EXOC6B: variants seen among roughly 807,000 people sequenced by gnomAD.
EXOC6B encodes the protein SEC15 homolog B.
A neutral mutation model predicts 113.5 loss-of-function variants in EXOC6B; 54 were observed. The ratio of observed to expected loss-of-function variants is 0.48; its 90% CI spans 0.38 to 0.60. The LOEUF (loss-of-function observed/expected upper bound fraction) is 0.60. Among genes scored for constraint, EXOC6B ranks in the 20% least tolerant of loss-of-function variants. EXOC6B has a pLI of 0.00. For synonymous variants in EXOC6B, 357 were observed against 339.0 expected, an observed-to-expected ratio of 1.05 and a Z score of -0.58; for missense variants, 797 against 977.5, an observed-to-expected ratio of 0.82 and a Z score of 2.46.
intron 6 of EXOC6B, among the ~76,000 whole-genome samples, chr2:72,582,917 A>T (rs1335863576): frequency 2.6e-5 from 4 of 152,350 alleles, no homozygotes; most frequent in South Asian, 4.1e-4. Flanking sequence ...AAAGAAGCTC[A>T]ATGACATCTA....
At chr2:72,540,560 C>T (rs1011997915) in intron 8 of EXOC6B, among the ~76,000 whole-genome samples, 1 of 152,130 alleles carries the variant, frequency 6.6e-6, no homozygotes, top group Non-Finnish European at 1.5e-5. Flanking sequence ...TACATAACCA[C>T]AGAATAAAAT....
At chr2:72,674,213 A>T (rs2104514063) in intron 6 of EXOC6B, among the ~76,000 whole-genome samples, 1 of 152,026 alleles carries the variant, frequency 6.6e-6, no homozygotes, top group Non-Finnish European at 1.5e-5. Flanking sequence ...ATCTCACTTC[A>T]CCTCTCCCCA....
intron 6 of EXOC6B, among the ~76,000 whole-genome samples, chr2:72,586,259 AAAC>A (rs1463549143): frequency 1.1e-4 from 16 of 152,280 alleles, no homozygotes; most frequent in African/African-American, 3.9e-4. Flanking sequence ...GGACCTAATT[AAAC>A]TAAAGAGCTA....
chr2:72,821,043 T>C (rs942252156), intron 1 of EXOC6B, among the ~76,000 whole-genome samples: 2 of 151,964 alleles, frequency 1.3e-5, no homozygotes, highest in Non-Finnish European at 2.9e-5. Flanking sequence ...ACATGAAAGA[T>C]ATCAAAAAAT....
chr2:72,589,098 C>A (rs956117968), intron 6 of EXOC6B, among the ~76,000 whole-genome samples: 1 of 151,032 alleles, frequency 6.6e-6, no homozygotes, highest in African/African-American at 2.4e-5. Context: ...GTTCTAAATG[C>A]GACTATTTGT....
chr2:72,342,358 C>A (rs1279492518), intron 19 of EXOC6B, among the ~76,000 whole-genome samples: 2 of 151,924 alleles, frequency 1.3e-5, no homozygotes, highest in Non-Finnish European at 2.9e-5. Context: ...TTGACAAGCC[C>A]TTAGCTTGAG....
intron 5 of EXOC6B, 132 bp downstream of exon 5, chr2:72,730,875 A>C (rs1430749631): frequency 1.3e-5 from 7 of 533,522 alleles, no homozygotes; most frequent in Non-Finnish European, 2.2e-5. Flanking sequence ...AGAATGAATC[A>C]ATAAATATAC....
At chr2:72,550,197 A>C (rs1359501970) in intron 8 of EXOC6B, among the ~76,000 whole-genome samples, 1 of 152,136 alleles carries the variant, frequency 6.6e-6, no homozygotes, top group African/African-American at 2.4e-5. Flanking sequence ...ATTTATATTA[A>C]GTAATCCATT....
At chr2:72,716,369 T>A (rs1679616496) in intron 6 of EXOC6B, among the ~76,000 whole-genome samples, 1 of 152,154 alleles carries the variant, frequency 6.6e-6, no homozygotes, top group Non-Finnish European at 1.5e-5. Flanking sequence ...TTCAAACATT[T>A]ATTGAACACC....
In EXOC6B at chr2:72,176,145, C is replaced by T. The variant is rs1677715114; in HGVS notation, c.*3190G>A. 1 of 152,008 alleles carries T rather than the reference C, an allele frequency of 6.6e-6. No homozygotes were observed. The highest frequency in any genetic ancestry group is 1.5e-5 in the Non-Finnish European group (1 of 68,004). The allele number at this position is 152,008 out of a possible 1,614,324, so 9.4% of individuals were successfully genotyped here. ...CAAGTAAGTTTTAGAGAAAAAAGTT[C>T]CCTTTAGAGTTAAAAATGGACTTTC... On this transcript the variant is annotated 3_prime_UTR_variant, in exon 22 of 22. Transcript: ENST00000272427.
intron 6 of EXOC6B, among the ~76,000 whole-genome samples, chr2:72,686,961 A>G (rs1677132823): frequency 6.6e-6 from 1 of 151,992 alleles, no homozygotes; most frequent in South Asian, 2.1e-4. Flanking sequence ...AGACAGTGAA[A>G]CCCCATCTCT....
intron 1 of EXOC6B, among the ~76,000 whole-genome samples, chr2:72,799,563 C>G (rs1685174663): frequency 6.6e-6 from 1 of 151,958 alleles, no homozygotes; most frequent in Non-Finnish European, 1.5e-5. Flanking sequence ...GAGCAAGACC[C>G]TGTCTCAAAA....
In EXOC6B at chr2:72,540,878, A is replaced by C. The variant is rs150804242; in HGVS notation, c.915+18575T>G. Among the ~76,000 whole-genome samples the C allele has an allele frequency of 2.7e-3, 417 of 152,312 alleles. 4 individuals carry two copies. The highest frequency in any genetic ancestry group is 8.7e-3 in the African/African-American group (363 of 41,562). ...TTTACTATCACAACCTTTGCAGAAA[A>C]AGTTTGTAAATCCTAGGTTTATGAC... On this transcript the variant is annotated intron_variant, in intron 8 of 21. Transcript: ENST00000272427.
intron 20 of EXOC6B, among the ~76,000 whole-genome samples, chr2:72,238,079 T>G (rs1682075286): frequency 6.6e-6 from 1 of 152,068 alleles, no homozygotes; most frequent in South Asian, 2.1e-4. Flanking sequence ...TTCATTCCCA[T>G]CCCCCAGCTT....
chr2:72,213,139 C>A (rs567571783), intron 20 of EXOC6B, among the ~76,000 whole-genome samples: 1 of 152,224 alleles, frequency 6.6e-6, no homozygotes, highest in Non-Finnish European at 1.5e-5. Flanking sequence ...AGCTAGCCAT[C>A]TGGAGAGGTA....
chr2:72,515,512 A>C (rs1701164517), intron 8 of EXOC6B: 3 of 1,026,706 alleles, frequency 2.9e-6, no homozygotes, highest in African/African-American at 1.7e-5. Flanking sequence ...AAAAACATCA[A>C]GAATAAAAAT....
intron 6 of EXOC6B, among the ~76,000 whole-genome samples, chr2:72,667,868 C>T (rs535425610): frequency 1.3e-5 from 2 of 152,130 alleles, no homozygotes; most frequent in Non-Finnish European, 2.9e-5. Flanking sequence ...TAAAAATTGA[C>T]AAGTGTGACC....
At chr2:72,567,894 T>A (rs987526711) in intron 7 of EXOC6B, among the ~76,000 whole-genome samples, 1 of 151,978 alleles carries the variant, frequency 6.6e-6, no homozygotes, top group Non-Finnish European at 1.5e-5. Context: ...AAAGAAATGA[T>A]AAAAATAGAA....
At chr2:72,716,655 T>G (rs543396652) in intron 6 of EXOC6B, among the ~76,000 whole-genome samples, 1 of 152,264 alleles carries the variant, frequency 6.6e-6, no homozygotes, top group East Asian at 1.9e-4. Context: ...CAACCCAACC[T>G]GAATTCTAAT....
Sources: allele counts gnomAD v4.1 joint callset (sites outside exome capture counted in the v4.1 genomes callset), GRCh38; gene constraint gnomAD v4.1.1; transcripts MANE v1.5; gene names NCBI Gene and HGNC (gene_info 2026-07-23, HGNC 2026-07-21).